CEP192: variants seen among roughly 807,000 people sequenced by gnomAD.
The protein encoded by CEP192 is centrosomal protein of 192 kDa.
A neutral mutation model predicts 271.8 loss-of-function variants in CEP192; 151 were observed. The ratio of observed to expected loss-of-function variants is 0.56; its 90% CI spans 0.49 to 0.64. CEP192 has a LOEUF of 0.64. Ranked by LOEUF, CEP192 falls within the 30% of genes least tolerant of loss-of-function variation. The probability of loss-of-function intolerance (pLI) is 0.00; values close to 1 mark genes in which losing one functional copy is unlikely to be tolerated. For synonymous variants in CEP192, 995 were observed against 1,076.5 expected, an observed-to-expected ratio of 0.92 and a Z score of 1.48; for missense variants, 2,910 against 3,020.5, an observed-to-expected ratio of 0.96 and a Z score of 0.86.
intron 18 of CEP192, among the ~76,000 whole-genome samples, chr18:13,054,564 GA>G (rs1481487625): frequency 8.5e-5 from 13 of 152,328 alleles, no homozygotes; most frequent in African/African-American, 2.9e-4. Context: ...TATGGTGTCA[GA>G]TAACTTATCT....
rs772926087 is a variant in CEP192, at chr18:13,059,206, G to C, written c.4382G>C (p.Ser1461Thr). Residue 1461 changes from serine to threonine, a missense_variant, in exon 21 of 45, where the codon AGT becomes ACT. Transcript: ENST00000506447. Reference protein sequence around the residue: ...SSPGVFRCTFSVASWPCSTDA... With the variant: ...SSPGVFRCTFTVASWPCSTDA... ...CCTGGGGTTTTCAGATGCACATTCA[G>C]TGTTGCTTCTTGGCCATGTTCGACA... 13 of 1,614,108 alleles carry C rather than the reference G, an allele frequency of 8.1e-6. No individual in the cohort carries two copies. Among genetic ancestry groups the C allele is most frequent in the Non-Finnish European group, 1.1e-5 (13 of 1,179,988 alleles).
At chr18:13,124,308 T>C (rs2040807358) in intron 44 of CEP192, among the ~76,000 whole-genome samples, 1 of 152,180 alleles carries the variant, frequency 6.6e-6, no homozygotes, top group Non-Finnish European at 1.5e-5. Context: ...AACCCTTTCT[T>C]AGGTAGATAG....
At chr18:13,050,601 A>T (rs1568337140) in intron 17 of CEP192, among the ~76,000 whole-genome samples, 3 of 147,436 alleles carry the variant, frequency 2.0e-5, no homozygotes, top group Admixed American at 6.8e-5. Flanking sequence ...TTTTTTTCCG[A>T]CAGAGTCTCG....
Position 13,055,884 on chromosome 18 carries a change from T to A in CEP192, c.3294T>A (p.Asn1098Lys). ...TGAGAGAAAAAGTTCCATTTCAGAA[T>A]AGAGGAAAAGGAACATTATCATCTA... is the stretch of plus-strand genomic sequence containing the variant. Reference protein sequence around the residue: ...EKLREKVPFQNRGKGTLSSII... With the variant: ...EKLREKVPFQKRGKGTLSSII... Residue 1098 changes from asparagine to lysine, a missense_variant, in exon 19 of 45, where the codon AAT becomes AAA. Physicochemically the swap from Asn to Lys is moderately conservative, Grantham distance 94. Transcript: ENST00000506447. 10 of 1,613,780 alleles carry A rather than the reference T, an allele frequency of 6.2e-6. No individual in the cohort carries two copies. Among genetic ancestry groups the A allele is most frequent in the South Asian group, 1.1e-5 (1 of 91,004 alleles).
chr18:13,101,503 G>A (rs1237247084), intron 38 of CEP192, among the ~76,000 whole-genome samples: 1 of 152,144 alleles, frequency 6.6e-6, no homozygotes, highest in Non-Finnish European at 1.5e-5. Flanking sequence ...TTCCTCGAGA[G>A]TCCTGCGATC....
chr18:13,073,415 C>T (rs909085621), intron 30 of CEP192, among the ~76,000 whole-genome samples: 1 of 152,180 alleles, frequency 6.6e-6, no homozygotes, highest in Non-Finnish European at 1.5e-5. Context: ...TTTTAAGTTT[C>T]ATTTTAATTT....
At position 13,113,806 on chromosome 18, in the gene CEP192, C is replaced by T. The variant is rs374327160; in HGVS notation, c.7167+101C>T. On this transcript the variant is annotated intron_variant, in intron 41 of 44. Transcript: ENST00000506447. ...GGCCTGAAAATGCAGAATATAGCCC[C>T]ATAATCTTAATTTTCTTGTTTGTCT... 1.2e-4 allele frequency: 131 copies of T among 1,066,854 alleles called. 1 individual carries two copies. In the East Asian group the frequency reaches 3.0e-3, roughly 24 times the overall value. 66.1% of individuals were successfully genotyped at this position (1,066,854 alleles called of 1,614,324 possible).
At chr18:13,067,666 T>G (rs1168553985) in intron 21 of CEP192, among the ~76,000 whole-genome samples, 165 bp from the exon 22 acceptor site, 1 of 152,210 alleles carries the variant, frequency 6.6e-6, no homozygotes, top group Non-Finnish European at 1.5e-5. Flanking sequence ...TTAACATTTA[T>G]TTTTGTAGAA....
At chr18:13,059,533 G>C (rs1457164656) in intron 21 of CEP192, among the ~76,000 whole-genome samples, 2 of 152,202 alleles carry the variant, frequency 1.3e-5, no homozygotes, top group African/African-American at 4.8e-5. Flanking sequence ...ATAAAGCAGA[G>C]TATAAGGTTA....
chr18:13,049,213 A>G lies in CEP192; in HGVS notation c.2422A>G (p.Thr808Ala). Reference protein sequence around the residue: ...ENFSRASMSDTWDLSLPKEQT... With the variant: ...ENFSRASMSDAWDLSLPKEQT... The stretch of plus-strand genomic sequence containing the variant: ...CTTTTCAAGGGCTAGTATGTCTGAT[A>G]CTTGGGATTTATCTTTGCCCAAAGA... The change falls in exon 16 of 45, where the codon ACT becomes GCT. Residue 808 changes from threonine (T) to alanine (A), a missense_variant. Transcript: ENST00000506447. 1 of 1,614,084 alleles carries G rather than the reference A, an allele frequency of 6.2e-7. No individual in the cohort carries two copies. The highest frequency in any genetic ancestry group is 8.5e-7 in the Non-Finnish European group (1 of 1,179,998).
At chr18:13,108,446 A>G (rs1429171554) in intron 40 of CEP192, among the ~76,000 whole-genome samples, 1 of 152,250 alleles carries the variant, frequency 6.6e-6, no homozygotes, top group Non-Finnish European at 1.5e-5. Context: ...AGGAACTTAA[A>G]ACAATTGAAC....
At chr18:13,067,116 G>A (rs1230096796) in intron 21 of CEP192, among the ~76,000 whole-genome samples, 1 of 151,854 alleles carries the variant, frequency 6.6e-6, no homozygotes, top group African/African-American at 2.4e-5. Context: ...TATTGAACAT[G>A]TACAGACATT....
At chr18:13,074,185 T>C (rs1351967490) in intron 30 of CEP192, among the ~76,000 whole-genome samples, 2 of 152,178 alleles carry the variant, frequency 1.3e-5, no homozygotes, top group African/African-American at 4.8e-5. Context: ...AATTACAAGA[T>C]TAACAATATC....
intron 40 of CEP192, among the ~76,000 whole-genome samples, chr18:13,112,888 G>C (rs2040266648): frequency 6.6e-6 from 1 of 152,228 alleles, no homozygotes; most frequent in Non-Finnish European, 1.5e-5. Context: ...CTGATTCATT[G>C]TTAAGTGATC....
rs1235595738 is a variant in CEP192 at position 13,068,903 on chromosome 18, A to T, written c.4874A>T (p.Asp1625Val). 1.2e-6 allele frequency: 2 copies of T among 1,614,204 alleles called. No individual in the cohort carries two copies. Among genetic ancestry groups the T allele is most frequent in the South Asian group, 2.2e-5 (2 of 91,078 alleles). Residue 1625 changes from aspartate to valine, a missense_variant, in exon 25 of 45, where the codon GAC (aspartate) becomes GTC (valine). Asp to Val is a radical substitution (Grantham distance 152). Coordinates refer to ENST00000506447, the MANE Select transcript of CEP192 (RefSeq NM_032142.4). ...EFSAKVDIEV[D>V]SPNPTPVLRS... ...TCGGCAAAAGTTGATATCGAAGTTG[A>T]CAGCCCAAACCCTACGCCCGTTCTT... is the stretch of plus-strand genomic sequence containing the variant.
chr18:13,122,646 GCCCTTT>G (rs2040723492), intron 44 of CEP192, among the ~76,000 whole-genome samples: 1 of 152,200 alleles, frequency 6.6e-6, no homozygotes, highest in Non-Finnish European at 1.5e-5. Context: ...GTTCCACTAA[GCCCTTT>G]CCATGTAGAT....
At chr18:13,111,224 A>G (rs1357713722) in intron 40 of CEP192, among the ~76,000 whole-genome samples, 1 of 152,174 alleles carries the variant, frequency 6.6e-6, no homozygotes, top group African/African-American at 2.4e-5. Flanking sequence ...TCCTGGGTTC[A>G]AGTGATTCTC....
At chr18:13,089,792 A>T (rs956668870) in intron 33 of CEP192, among the ~76,000 whole-genome samples, 2 of 152,246 alleles carry the variant, frequency 1.3e-5, no homozygotes, top group Non-Finnish European at 2.9e-5. Context: ...CTAGCTTTTC[A>T]TCCATACAGA....
At chr18:13,113,131 T>A (rs2040278849) in intron 40 of CEP192, among the ~76,000 whole-genome samples, 1 of 152,236 alleles carries the variant, frequency 6.6e-6, no homozygotes, top group African/African-American at 2.4e-5. Context: ...TGTCTTGTTC[T>A]GCCTCCTGTA....
Sources: allele counts gnomAD v4.1 joint callset (sites outside exome capture counted in the v4.1 genomes callset), GRCh38; gene constraint gnomAD v4.1.1; transcripts MANE v1.5; gene names NCBI Gene and HGNC (gene_info 2026-07-23, HGNC 2026-07-21).